The following COL17A1 variants were observed in gnomAD, a reference collection of about 807,000 sequenced individuals.
COL17A1 encodes collagen type XVII alpha 1 chain.
A neutral mutation model predicts 218.4 loss-of-function variants in COL17A1; 181 were observed. That is an observed-to-expected ratio of 0.83 (90% CI 0.73 to 0.94). COL17A1 has a LOEUF of 0.94. COL17A1 is among the 40% of genes least tolerant of loss of function. The probability of loss-of-function intolerance (pLI) is 0.00; values close to 1 mark genes in which losing one functional copy is unlikely to be tolerated. For missense variants in COL17A1, 1,924 were observed against 1,945.9 expected (o/e 0.99, Z 0.21); for synonymous variants, 721 against 731.0 (o/e 0.99, Z 0.22).
At chr10:104,053,222 C>T (rs2086488254) in intron 22 of COL17A1, 87 bp from the exon 23 acceptor site, 1 of 1,481,262 alleles carries the variant, frequency 6.8e-7, no homozygotes, top group Non-Finnish European at 9.3e-7. Context: ...CAGACGCTTG[C>T]CTGGAGCCCT....
At chr10:104,045,870 C>T (rs1436655086) in intron 32 of COL17A1, 77 bp from the exon 33 acceptor site, 1 of 1,181,126 alleles carries the variant, frequency 8.5e-7, no homozygotes, top group African/African-American at 1.5e-5. Flanking sequence ...CACTAGTGCT[C>T]CGTCACTCAG....
intron 40 of COL17A1, 51 bp from the exon 41 acceptor site, chr10:104,040,050 G>C: frequency 6.2e-7 from 1 of 1,601,176 alleles, no homozygotes; most frequent in Non-Finnish European, 8.6e-7. Flanking sequence ...CAGGTGTTGT[G>C]GTTTCAATGG....
chr10:104,038,405 C>T lies in COL17A1; in HGVS notation c.3070+1G>A. The T allele has an allele frequency of 1.2e-6, 2 of 1,613,830 alleles. No homozygotes were observed. The highest frequency in any genetic ancestry group is 2.2e-5 in the East Asian group (1 of 44,878). On this transcript the variant is annotated splice_donor_variant, in intron 45 of 55. Coordinates refer to ENST00000648076, the MANE Select transcript of COL17A1 (RefSeq NM_000494.4). LOFTEE classifies it high-confidence loss of function. ...ACGGCTTGCGGCGGCCAGCTACTCA[C>T]TCTGCATGTACTCAGAGATGTACTG...
At chr10:104,076,158 T>C in intron 5 of COL17A1, 143 bp downstream of exon 5, 1 of 1,315,312 alleles carries the variant, frequency 7.6e-7, no homozygotes, top group South Asian at 1.2e-5. Context: ...CTTCAAGTAA[T>C]GGAAGTCCAT....
In COL17A1 at chr10:104,054,082, G is replaced by T; in HGVS notation, c.1771+10C>A. On this transcript the variant is annotated intron_variant, in intron 21 of 55. Transcript: ENST00000648076. ...ACTGGCAGGCCTGGAGGTCATCAGA[G>T]AGTACATACCTGGAGTCCCAGGGAA... 1 of 1,613,094 alleles carries T rather than the reference G, an allele frequency of 6.2e-7. No individual in the cohort carries two copies. Among genetic ancestry groups the T allele is most frequent in the East Asian group, 2.2e-5 (1 of 44,852 alleles).
intron 52 of COL17A1, 49 bp downstream of exon 52, chr10:104,033,896 C>T (rs1280134979): frequency 6.2e-7 from 1 of 1,612,640 alleles, no homozygotes; most frequent in South Asian, 1.1e-5. Flanking sequence ...TCTGGAGATG[C>T]TCCCACGCTC....
In COL17A1 at chr10:104,050,635, G is replaced by A. The variant is rs949403328; in HGVS notation, c.2114C>T (p.Pro705Leu). ...GVKGDKGPMG[P>L]PGPKGDQGEK... is the part of the protein sequence containing the mutation. ...GAGTGGCATACCTTTGGGTCCTGGT[G>A]GTCCCATTGGTCCTTTGTCACCTAA... The change falls in exon 27 of 56, where the codon CCA (proline) becomes CTA (leucine). Residue 705 changes from proline (P) to leucine (L), a missense_variant. Coordinates refer to ENST00000648076, the MANE Select transcript of COL17A1 (RefSeq NM_000494.4). 1 of 1,613,428 alleles carries A rather than the reference G, an allele frequency of 6.2e-7. No individual in the cohort carries two copies. The highest frequency in any genetic ancestry group is 8.5e-7 in the Non-Finnish European group (1 of 1,180,016).
At chr10:104,055,278 T>C in intron 19 of COL17A1, 94 bp downstream of exon 19, 2 of 1,592,994 alleles carry the variant, frequency 1.3e-6, no homozygotes, top group Non-Finnish European at 1.7e-6. Context: ...CATCCTTCCA[T>C]TTAGAACAAA....
intron 9 of COL17A1, among the ~76,000 whole-genome samples, chr10:104,066,133 C>T (rs2086624239): frequency 1.3e-5 from 2 of 152,136 alleles, no homozygotes; most frequent in Non-Finnish European, 2.9e-5. Flanking sequence ...TCAGCTTGCC[C>T]AGCTACTTAG....
intron 11 of COL17A1, 199 bp downstream of exon 11, chr10:104,063,548 G>C: frequency 5.1e-6 from 4 of 780,216 alleles, no homozygotes; most frequent in Non-Finnish European, 8.6e-6. Context: ...GTCAATGTGG[G>C]CTCACGTCCC....
chr10:104,036,978 G>A, intron 47 of COL17A1, 67 bp downstream of exon 47: 1 of 1,420,842 alleles, frequency 7.0e-7, no homozygotes, highest in Admixed American at 1.9e-5. Flanking sequence ...GACAAGGTTT[G>A]CATGACGAGT....
At chr10:104,065,455 A>G (rs2086618961) in intron 9 of COL17A1, among the ~76,000 whole-genome samples, 1 of 152,204 alleles carries the variant, frequency 6.6e-6, no homozygotes, top group African/African-American at 2.4e-5. Context: ...AACAATGCTC[A>G]TCCTACTTGA....
chr10:104,043,376 A>C, intron 35 of COL17A1, 125 bp downstream of exon 35: 1 of 904,990 alleles, frequency 1.1e-6, no homozygotes, highest in Non-Finnish European at 1.8e-6. Context: ...TCTCAGGCCA[A>C]ACTCCTTATT....
At chr10:104,050,556 TC>T in intron 27 of COL17A1, 64 bp downstream of exon 27, 1 of 1,611,950 alleles carries the variant, frequency 6.2e-7, no homozygotes, top group Non-Finnish European at 8.5e-7. Flanking sequence ...ACAGTGAGGG[TC>T]CCATCTGGGC....
At chr10:104,059,210 G>C (rs1419378354) in intron 15 of COL17A1, 2 of 232,766 alleles carry the variant, frequency 8.6e-6, no homozygotes, top group South Asian at 1.2e-4. Context: ...TGACCTCCCT[G>C]AAATCAGTGA....
intron 46 of COL17A1, 145 bp from the exon 47 acceptor site, chr10:104,037,258 G>A: frequency 1.3e-6 from 1 of 766,912 alleles, no homozygotes; most frequent in South Asian, 1.5e-5. Flanking sequence ...TATTTTGAAA[G>A]CATAACAAAG....
chr10:104,062,521 A>T (rs572703334), intron 11 of COL17A1, among the ~76,000 whole-genome samples, 192 bp from the exon 12 acceptor site: 1 of 152,336 alleles, frequency 6.6e-6, no homozygotes, highest in South Asian at 2.1e-4. Context: ...CCCCAGGCCA[A>T]ATATTACTAA....
In COL17A1 at chr10:104,060,153, C is replaced by A. The variant is rs777121743; in HGVS notation, c.1107G>T (p.Lys369Asn). The part of the protein sequence containing the change: ...ELLIMTKDSG[K>N]VFTASPASIA... ...TGCTGGCAGGGGAGGCTGTAAAGAC[C>A]TTCCCGCTGTCCTTGGTCATGATGA... Residue 369 changes from lysine to asparagine, a missense_variant, in exon 14 of 56, where the codon AAG becomes AAT. Transcript: ENST00000648076. 1 of 1,614,042 alleles carries A rather than the reference C, an allele frequency of 6.2e-7. No homozygotes were observed. Among genetic ancestry groups the A allele is most frequent in the African/African-American group, 1.3e-5 (1 of 74,916 alleles).
chr10:104,050,683 T>TA (rs2086460611), intron 26 of COL17A1, 27 bp from the exon 27 acceptor site: 1 of 1,613,968 alleles, frequency 6.2e-7, no homozygotes, highest in Non-Finnish European at 8.5e-7. Context: ...CACCTTGGTG[T>TA]AAAATGCCCT....
Sources: allele counts gnomAD v4.1 joint callset (sites outside exome capture counted in the v4.1 genomes callset), GRCh38; gene constraint gnomAD v4.1.1; transcripts MANE v1.5; gene names NCBI Gene and HGNC (gene_info 2026-07-23, HGNC 2026-07-21).